The following TC2N variants were observed in gnomAD, a reference collection of about 807,000 sequenced individuals.
The protein encoded by TC2N is tandem C2 domains nuclear protein.
TC2N carries 51 observed loss-of-function variants against 61.9 expected under a neutral mutation model. The observed-to-expected ratio is 0.82, with a 90% CI of 0.66 to 1.04. The LOEUF is 1.04. Ranked by LOEUF, TC2N falls within the 50% of genes least tolerant of loss-of-function variation. TC2N has a pLI of 0.00. For synonymous variants in TC2N, 204 were observed against 192.6 expected (o/e 1.06, Z -0.49); for missense variants, 556 against 566.7 (o/e 0.98, Z 0.19).
intron 10 of TC2N, among the ~76,000 whole-genome samples, chr14:91,785,935 C>T (rs186590247): frequency 6.6e-6 from 1 of 152,136 alleles, no homozygotes; most frequent in East Asian, 1.9e-4. Context: ...TGGTAAAAGA[C>T]GGGAACTTCA....
chr14:91,863,532 G>T (rs1472445248), intron 1 of TC2N, among the ~76,000 whole-genome samples: 2 of 152,204 alleles, frequency 1.3e-5, no homozygotes, highest in Admixed American at 6.5e-5. Context: ...ATAGCTTGAA[G>T]TGGGGGGCTT....
chr14:91,825,401 C>T (rs1887453594), intron 1 of TC2N, among the ~76,000 whole-genome samples: 1 of 152,102 alleles, frequency 6.6e-6, no homozygotes, highest in Non-Finnish European at 1.5e-5. Flanking sequence ...TTATGATACC[C>T]CAAATTACAG....
At chr14:91,802,794 T>C (rs1019038586) in intron 3 of TC2N, among the ~76,000 whole-genome samples, 1 of 151,946 alleles carries the variant, frequency 6.6e-6, no homozygotes, top group African/African-American at 2.4e-5. Context: ...TTTATTAAAA[T>C]TGACCACATG....
At chr14:91,866,319 G>C (rs1888701771) in intron 1 of TC2N, 1 of 152,226 alleles carries the variant, frequency 6.6e-6, no homozygotes, top group South Asian at 2.1e-4. Context: ...ACCTAAGAAA[G>C]TGTCTGAAGT....
chr14:91,864,887 T>C (rs1229352895), intron 1 of TC2N, among the ~76,000 whole-genome samples: 2 of 151,296 alleles, frequency 1.3e-5, no homozygotes, highest in African/African-American at 4.9e-5. Context: ...GTTCAAGCAA[T>C]TCTCCTGCCT....
chr14:91,801,365 A>G (rs1041358834), intron 4 of TC2N, among the ~76,000 whole-genome samples: 1 of 152,224 alleles, frequency 6.6e-6, no homozygotes, highest in African/African-American at 2.4e-5. Context: ...TGCATACAAA[A>G]TAATCTGGGC....
intron 9 of TC2N, among the ~76,000 whole-genome samples, chr14:91,791,944 G>A (rs573575014): frequency 3.2e-4 from 49 of 151,862 alleles, no homozygotes; most frequent in African/African-American, 1.1e-3. Flanking sequence ...GTGAAACCCC[G>A]TCTCTACTAA....
At chr14:91,794,545 A>C (rs1341779760) in intron 8 of TC2N, among the ~76,000 whole-genome samples, 1 of 152,158 alleles carries the variant, frequency 6.6e-6, no homozygotes, top group African/African-American at 2.4e-5. Context: ...TATTATACTA[A>C]ATTAACTATG....
intron 1 of TC2N, among the ~76,000 whole-genome samples, chr14:91,821,957 AATAT>A (rs745353863): frequency 6.6e-6 from 1 of 152,190 alleles, no homozygotes; most frequent in Non-Finnish European, 1.5e-5. Context: ...AAAAGACAAC[AATAT>A]ACATTGATTA....
rs1209963365 is a variant in TC2N, at chr14:91,781,559, A to G, written c.*1541T>C. On this transcript the variant is annotated 3_prime_UTR_variant, in exon 12 of 12. Coordinates refer to ENST00000435962, the MANE Select transcript of TC2N (RefSeq NM_001128596.3). The stretch of plus-strand genomic sequence containing the variant: ...TAACCTACAACTGCTCTAAAAAAAA[A>G]AGTCTATTTTTAAAAACAATTTTTA... The G allele has an allele frequency of 1.3e-5, 2 of 152,168 alleles. No individual in the cohort carries two copies. The highest frequency in any genetic ancestry group is 4.8e-5 in the African/African-American group (2 of 41,466). 9.4% of individuals were successfully genotyped at this position (152,168 alleles called of 1,614,324 possible). A position where few individuals can be genotyped will look rare whatever the true frequency, so the allele number is the denominator to read the frequency against.
rs529640750 is a variant in TC2N, at chr14:91,845,103, C to T, written c.-57+22159G>A. Among the ~76,000 whole-genome samples, 18 of 152,118 alleles carry T rather than the reference C, an allele frequency of 1.2e-4. No individual in the cohort carries two copies. The South Asian group carries it at 3.7e-3, about 32-fold the overall frequency. ...ATTAGCCGGGTGACGTGGCGCACAC[C>T]TGTAATCCCAGCTACTCGGGAGGCT... On this transcript the variant is annotated intron_variant, in intron 1 of 11. Transcript: ENST00000435962.
intron 5 of TC2N, 149 bp from the exon 6 acceptor site, chr14:91,799,213 G>T: frequency 1.0e-4 from 41 of 392,962 alleles, no homozygotes; most frequent in Middle Eastern, 6.5e-4. Context: ...ACAGGTAGTG[G>T]AAAAAAAAAA....
chr14:91,842,147 C>T (rs1375369653), intron 1 of TC2N, among the ~76,000 whole-genome samples: 1 of 151,832 alleles, frequency 6.6e-6, no homozygotes, highest in African/African-American at 2.4e-5. Flanking sequence ...TTTGTAGAGA[C>T]AGGTTTTTAC....
intron 1 of TC2N, among the ~76,000 whole-genome samples, chr14:91,830,596 G>A (rs1310199208): frequency 6.6e-6 from 1 of 151,986 alleles, no homozygotes; most frequent in Non-Finnish European, 1.5e-5. Context: ...GTTTTTTTAG[G>A]AGGGTGACAA....
At chr14:91,803,032 G>C (rs1203735402) in intron 3 of TC2N, among the ~76,000 whole-genome samples, 1 of 152,092 alleles carries the variant, frequency 6.6e-6, no homozygotes, top group Non-Finnish European at 1.5e-5. Flanking sequence ...ATTGGTAAGT[G>C]ATAGAAAAAG....
intron 11 of TC2N, among the ~76,000 whole-genome samples, chr14:91,784,235 T>C (rs954782760): frequency 2.0e-5 from 3 of 152,128 alleles, no homozygotes; most frequent in African/African-American, 7.2e-5. Context: ...ACCGTTAAGT[T>C]GAGGCTCGAT....
intron 1 of TC2N, among the ~76,000 whole-genome samples, chr14:91,838,974 T>G (rs1232893483): frequency 6.6e-6 from 1 of 152,194 alleles, no homozygotes; most frequent in Admixed American, 6.5e-5. Context: ...TTTTTGTTTA[T>G]TTTTTAATTT....
At position 91,782,389 on chromosome 14, in the gene TC2N, T is replaced by G. The variant is rs1389014570; in HGVS notation, c.*711A>C. Reference sequence around the variant, plus strand: ...CAAATAAAACAAATAGTAAAATATTTGAGGGAAGAAAACAGCAAAGTATGT... The same window carrying G: ...CAAATAAAACAAATAGTAAAATATTGGAGGGAAGAAAACAGCAAAGTATGT... On this transcript the variant is annotated 3_prime_UTR_variant, in exon 12 of 12. Coordinates refer to ENST00000435962, the MANE Select transcript of TC2N (RefSeq NM_001128596.3). 6.6e-6 allele frequency: 1 copy of G among 151,978 alleles called. No individual in the cohort carries two copies. Among genetic ancestry groups the G allele is most frequent in the African/African-American group, 2.4e-5 (1 of 41,438 alleles). The allele number at this position is 151,978 out of a possible 1,614,324, so 9.4% of individuals were successfully genotyped here.
At position 91,832,335 on chromosome 14, in the gene TC2N, A is replaced by C. The variant is rs1009874178; in HGVS notation, c.-56-18510T>G. Reference sequence around the variant, plus strand: ...AACCCGGGAGGCAGAAGTTGCAGTGAGCCAGGATCATGCCATTGCACTCCA... The same window carrying C: ...AACCCGGGAGGCAGAAGTTGCAGTGCGCCAGGATCATGCCATTGCACTCCA... On this transcript the variant is annotated intron_variant, in intron 1 of 11. Coordinates refer to ENST00000435962, the MANE Select transcript of TC2N (RefSeq NM_001128596.3). Among the ~76,000 whole-genome samples, 3 of 150,774 alleles carry C rather than the reference A, an allele frequency of 2.0e-5. No individual in the cohort carries two copies. The East Asian group carries it at 5.9e-4, about 30-fold the overall frequency.
Sources: gnomAD v4.1 joint callset for allele counts (sites outside exome capture counted in the v4.1 genomes callset) on GRCh38, gnomAD v4.1.1 for gene constraint, MANE v1.5 for transcripts, NCBI Gene and HGNC (gene_info 2026-07-23, HGNC 2026-07-21) for gene names.